Variants in URI1 observed in about 807,000 individuals in gnomAD.
URI1 encodes the protein unconventional prefoldin RPB5 interactor 1.
URI1 carries 39 observed loss-of-function variants against 60.2 expected under a neutral mutation model. The observed-to-expected ratio is 0.65, with a 90% CI of 0.50 to 0.85. URI1 has a LOEUF of 0.85. Ranked by LOEUF, URI1 falls within the 40% of genes least tolerant of loss-of-function variation. The pLI is 0.00. For synonymous variants in URI1, 251 were observed against 236.8 expected, an observed-to-expected ratio of 1.06 and a Z score of -0.55; for missense variants, 691 against 665.9, an observed-to-expected ratio of 1.04 and a Z score of -0.42.
chr19:30,011,004 T>G, intron 8 of URI1, 90 bp from the exon 9 acceptor site: 2 of 1,410,204 alleles, frequency 1.4e-6, no homozygotes, highest in Non-Finnish European at 9.6e-7. Flanking sequence ...TCTCTTACTA[T>G]TATTTTTTTA....
At chr19:30,005,066 T>A (rs565471207) in intron 4 of URI1, among the ~76,000 whole-genome samples, 1 of 152,052 alleles carries the variant, frequency 6.6e-6, no homozygotes, top group Non-Finnish European at 1.5e-5. Flanking sequence ...CAACTAGATA[T>A]TTATCCTATA....
At chr19:29,950,735 G>A (rs2055169401) in intron 1 of URI1, among the ~76,000 whole-genome samples, 1 of 152,030 alleles carries the variant, frequency 6.6e-6, no homozygotes, top group Admixed American at 6.6e-5. Flanking sequence ...CATTTTCTCA[G>A]TTTTTCTAAA....
intron 1 of URI1, among the ~76,000 whole-genome samples, chr19:29,955,791 A>T (rs982106844): frequency 2.0e-5 from 3 of 151,514 alleles, no homozygotes; most frequent in Non-Finnish European, 4.4e-5. Flanking sequence ...GGATTTCACC[A>T]TGTTGACCAG....
chr19:30,008,187 G>A (rs1403486273), intron 7 of URI1, among the ~76,000 whole-genome samples: 4 of 152,056 alleles, frequency 2.6e-5, no homozygotes, highest in Non-Finnish European at 5.9e-5. Context: ...ATACACATTA[G>A]CACACACTTA....
chr19:29,930,368 C>T (rs62104552), intron 1 of URI1, among the ~76,000 whole-genome samples: 2,911 of 152,124 alleles, frequency 0.019, 88 homozygotes, highest in Non-Finnish European at 0.023. Context: ...CATGATTGCC[C>T]CTATGGTTTC....
chr19:30,005,811 T>C, intron 6 of URI1, 103 bp downstream of exon 6: 1 of 1,043,720 alleles, frequency 9.6e-7, no homozygotes, highest in Non-Finnish European at 1.4e-6. Flanking sequence ...AATACACTTT[T>C]AAATTCATAG....
intron 4 of URI1, among the ~76,000 whole-genome samples, chr19:29,997,834 G>A (rs1025697994): frequency 2.0e-5 from 3 of 151,912 alleles, no homozygotes; most frequent in East Asian, 1.9e-4. Context: ...GTGCAATATC[G>A]GCTCACTGTA....
At chr19:29,985,056 G>A (rs2055646080) in intron 2 of URI1, among the ~76,000 whole-genome samples, 167 bp from the exon 3 acceptor site, 2 of 139,634 alleles carry the variant, frequency 1.4e-5, no homozygotes, top group Non-Finnish European at 3.0e-5. Context: ...GGAGGTGGAG[G>A]GTGCAGTGAG....
intron 4 of URI1, among the ~76,000 whole-genome samples, chr19:29,995,953 A>C (rs933389915): frequency 6.6e-6 from 1 of 151,956 alleles, no homozygotes. Context: ...TTTGTATTCT[A>C]TTTTTTGGTC....
chr19:29,974,089 A>G (rs1034635993), intron 2 of URI1, among the ~76,000 whole-genome samples: 1 of 152,128 alleles, frequency 6.6e-6, no homozygotes, highest in East Asian at 1.9e-4. Flanking sequence ...TCACAGACCT[A>G]TATTTGAATC....
At chr19:29,983,859 T>C (rs964710815) in intron 2 of URI1, among the ~76,000 whole-genome samples, 3 of 152,198 alleles carry the variant, frequency 2.0e-5, no homozygotes, top group Non-Finnish European at 2.9e-5. Flanking sequence ...ACCTTTTGGT[T>C]GTTTGAAATT....
intron 2 of URI1, among the ~76,000 whole-genome samples, chr19:29,979,013 G>A (rs1251348610): frequency 6.6e-6 from 1 of 151,810 alleles, no homozygotes; most frequent in Non-Finnish European, 1.5e-5. Flanking sequence ...GTTTCTCATA[G>A]GGATCAGTGA....
rs116630896 is a variant in URI1 at position 30,013,439 on chromosome 19, C to G, written c.1425+908C>G. Among the ~76,000 whole-genome samples the G allele has an allele frequency of 4.6e-3, 700 of 152,206 alleles. 7 individuals are homozygous for G. The highest frequency in any genetic ancestry group is 0.016 in the African/African-American group (664 of 41,536). ...CTTCCCCTCTTCTTAGTATAATGAT[C>G]TTAGGTGACCTGGAAAGTATCTTAC... On this transcript the variant is annotated intron_variant, in intron 10 of 10. Transcript: ENST00000392271.
rs141694723 is a variant in URI1 at position 29,988,966 on chromosome 19, G to A, written c.367+2549G>A. ...CAATATTGTCAGTTTAAGAAGTGTAGCCATTTGAATAGGTGTATAGTGATT... is the reference window on the plus strand; with the variant it reads ...CAATATTGTCAGTTTAAGAAGTGTAACCATTTGAATAGGTGTATAGTGATT... On this transcript the variant is annotated intron_variant, in intron 4 of 10. Transcript: ENST00000392271. Among the ~76,000 whole-genome samples, 830 of 152,210 alleles carry A rather than the reference G, an allele frequency of 5.5e-3. 11 individuals are homozygous for A. Among genetic ancestry groups the A allele is most frequent in the African/African-American group, 0.019 (793 of 41,522 alleles).
At chr19:29,961,675 G>GTTTTT (rs200425572) in intron 1 of URI1, among the ~76,000 whole-genome samples, 5 of 117,636 alleles carry the variant, frequency 4.3e-5, no homozygotes, top group African/African-American at 3.1e-5. Flanking sequence ...TTTTTTTTTT[G>GTTTTT]TTTTTTTTTT....
intron 2 of URI1, among the ~76,000 whole-genome samples, chr19:29,976,298 T>C (rs1243857740): frequency 6.6e-6 from 1 of 152,240 alleles, no homozygotes; most frequent in East Asian, 1.9e-4. Context: ...TGGGCTCACC[T>C]GTGTGGTTCT....
rs2056072148 is a variant in URI1, at chr19:30,015,251, AAT to A, written c.*185_*186del. 7.1e-7 allele frequency: 1 copy of A among 1,414,368 alleles called. No homozygotes were observed. Among genetic ancestry groups the A allele is most frequent in the Admixed American group, 3.0e-5 (1 of 33,700 alleles). The allele number at this position is 1,414,368 out of a possible 1,614,324, so 87.6% of individuals were successfully genotyped here. ...ATCAAGGTAACTGTCTGAATACTTT[AAT>A]ATCAGCTTGTTTTGTGAATTCTCTG... On this transcript the variant is annotated 3_prime_UTR_variant, in exon 11 of 11. Transcript: ENST00000392271.
At chr19:29,924,115 T>C (rs1017245908) in intron 1 of URI1, among the ~76,000 whole-genome samples, 1 of 152,114 alleles carries the variant, frequency 6.6e-6, no homozygotes, top group Non-Finnish European at 1.5e-5. Flanking sequence ...TTTGTTCTAT[T>C]TGGGCCCTCA....
intron 1 of URI1, chr19:29,925,748 C>G (rs1465081430): frequency 6.6e-6 from 1 of 152,210 alleles, no homozygotes; most frequent in Non-Finnish European, 1.5e-5. Context: ...TCTTGAAATT[C>G]TTAATAACTT....
Sources: gnomAD v4.1 joint callset for allele counts (sites outside exome capture counted in the v4.1 genomes callset) on GRCh38, gnomAD v4.1.1 for gene constraint, MANE v1.5 for transcripts, NCBI Gene and HGNC (gene_info 2026-07-23, HGNC 2026-07-21) for gene names.